Variants in NBPF14 observed in about 807,000 individuals in gnomAD.
NBPF14 encodes the protein NBPF member 14, also known as NBPF family member NBPF14.
NBPF14 carries 104 observed loss-of-function variants against 91.2 expected under a neutral mutation model. That is an observed-to-expected ratio of 1.14 (90% CI 0.97 to 1.34). NBPF14 has a LOEUF of 1.34. NBPF14 is among the 40% of genes most tolerant of loss of function. The pLI is 0.00. For synonymous variants in NBPF14, 294 were observed against 303.8 expected, an observed-to-expected ratio of 0.97 and a Z score of 0.34; for missense variants, 908 against 783.0, an observed-to-expected ratio of 1.16 and a Z score of -1.91.
exon 71 of NBPF14, chr1:148,532,938 T>A (rs1261478354): frequency 1.7e-6 from 1 of 580,370 alleles, no homozygotes; most frequent in East Asian, 2.8e-5. Context: ...TGTACTTTCA[T>A]TCAAATCTTC....
rs1312191015 is a variant in NBPF14 at position 148,559,710 on chromosome 1, C to T, written c.4729+83G>A. The T allele has an allele frequency of 6.0e-5, 45 of 750,256 alleles. 2 individuals carry two copies. The African/African-American group carries it at 6.1e-4, about 10-fold the overall frequency. 46.5% of individuals were successfully genotyped at this position (750,256 alleles called of 1,614,324 possible). On this transcript the variant is annotated intron_variant, in intron 37 of 70. Transcript: ENST00000619423. ...CCTGTGGCAATGACATCTCTCAGCT[C>T]AGTAAGGGCCACTTGCAGTAGGAAT...
At chr1:148,561,825 A>G (rs1657835427) in intron 34 of NBPF14, among the ~76,000 whole-genome samples, 1 of 137,358 alleles carries the variant, frequency 7.3e-6, no homozygotes, top group Non-Finnish European at 1.5e-5. Context: ...ACACAGAGAG[A>G]GAGAGAGAGA....
rs1308198067 is a variant in NBPF14 at position 148,539,328 on chromosome 1, G to T, written c.7882+82C>A. On this transcript the variant is annotated intron_variant, in intron 63 of 70. Transcript: ENST00000619423. ...TGCGGCAATGACGTCTCTCGGGTCA[G>T]TAAGGGGCACTTGGAACAGGAATAT... 8 of 578,114 alleles carry T rather than the reference G, an allele frequency of 1.4e-5. 1 individual carries two copies. In the Admixed American group the frequency reaches 1.4e-4, roughly 10 times the overall value. The allele number at this position is 578,114 out of a possible 1,614,324, so 35.8% of individuals were successfully genotyped here.
intron 8 of NBPF14, among the ~76,000 whole-genome samples, 169 bp downstream of exon 8, chr1:148,587,132 C>A (rs1293782407): frequency 6.7e-6 from 1 of 148,726 alleles, no homozygotes; most frequent in East Asian, 1.9e-4. Context: ...GCAACCCATA[C>A]ATTTTTACTA....
Position 148,595,447 on chromosome 1 carries a change from G to A in NBPF14, c.175+96C>T, listed in dbSNP as rs1346136086. ...TCTGTTTTCTTAGAAGTACAGGAAG[G>A]ATGAAATTATTTTTGATGGAGAGAG... is the stretch of plus-strand genomic sequence containing the variant. On this transcript the variant is annotated intron_variant, in intron 2 of 70. Transcript: ENST00000619423. 8.3e-6 allele frequency: 11 copies of A among 1,325,310 alleles called. 1 individual carries two copies. The highest frequency in any genetic ancestry group is 1.2e-5 in the South Asian group (1 of 80,332). The allele number at this position is 1,325,310 out of a possible 1,614,324, so 82.1% of individuals were successfully genotyped here. A position where few individuals can be genotyped will look rare whatever the true frequency, so the allele number is the denominator to read the frequency against.
chr1:148,577,972 C>G lies in NBPF14; in HGVS notation c.1853+11G>C. The G allele has an allele frequency of 1.2e-5, 7 of 604,282 alleles. No individual in the cohort carries two copies. In the South Asian group the frequency reaches 1.2e-4, roughly 10 times the overall value. 37.4% of individuals were successfully genotyped at this position (604,282 alleles called of 1,614,324 possible). On this transcript the variant is annotated intron_variant, in intron 14 of 70. Coordinates refer to ENST00000619423, the Ensembl canonical transcript of NBPF14. ...ACATCAAATTAACTGTCCACAATTT[C>G]TCAGACTCACCTGGGACCTGTTGCC... is the stretch of plus-strand genomic sequence containing the variant.
rs1451336609 is a variant in NBPF14 at position 148,559,690 on chromosome 1, G to A, written c.4729+103C>T. The A allele has an allele frequency of 5.8e-6, 4 of 686,460 alleles. No individual in the cohort carries two copies. In the East Asian group the frequency reaches 1.2e-4, roughly 20 times the overall value. 42.5% of individuals were successfully genotyped at this position (686,460 alleles called of 1,614,324 possible). On this transcript the variant is annotated intron_variant, in intron 37 of 70. Coordinates refer to ENST00000619423, the Ensembl canonical transcript of NBPF14. ...ACATGTGCCTATAGGTCCTCCCTGTGGCAATGACATCTCTCAGCTCAGTAA... is the reference window on the plus strand; with the variant it reads ...ACATGTGCCTATAGGTCCTCCCTGTAGCAATGACATCTCTCAGCTCAGTAA...
intron 2 of NBPF14, 82 bp from the exon 3 acceptor site, chr1:148,593,782 C>A: frequency 9.3e-7 from 1 of 1,070,770 alleles, no homozygotes; most frequent in Non-Finnish European, 1.4e-6. Flanking sequence ...GGAGCCAGGT[C>A]CATCCCAAGG....
intron 35 of NBPF14, 34 bp from the exon 36 acceptor site, chr1:148,560,726 A>G (rs201099487): frequency 6.4e-6 from 1 of 155,400 alleles, no homozygotes; most frequent in South Asian, 3.6e-5. Context: ...AGACACATTA[A>G]GCTGATTCCC....
intron 39 of NBPF14, 98 bp downstream of exon 39, chr1:148,558,154 G>C: frequency 8.5e-6 from 2 of 234,566 alleles, no homozygotes; most frequent in East Asian, 1.2e-4. Context: ...CTGCGGCAAT[G>C]ACGTCTCTCG....
intron 67 of NBPF14, among the ~76,000 whole-genome samples, chr1:148,535,931 G>C (rs1400327124): frequency 2.0e-5 from 3 of 150,474 alleles, no homozygotes; most frequent in African/African-American, 7.3e-5. Flanking sequence ...CTACAAAATT[G>C]AGACAAAATC....
At position 148,593,357 on chromosome 1, in the gene NBPF14, G is replaced by A. The variant is rs1336521917; in HGVS notation, c.278+241C>T. On this transcript the variant is annotated intron_variant, in intron 3 of 70. Transcript: ENST00000619423. ...ACTCCTTTGGTGAATTTTGTGTTATGTAAATTTCACCTCAACAATTACTTG... is the reference window on the plus strand; with the variant it reads ...ACTCCTTTGGTGAATTTTGTGTTATATAAATTTCACCTCAACAATTACTTG... Among the ~76,000 whole-genome samples the A allele has an allele frequency of 1.4e-3, 204 of 148,716 alleles. 3 individuals carry two copies. The highest frequency in any genetic ancestry group is 4.9e-3 in the African/African-American group (202 of 40,948).
At chr1:148,535,352 C>T (rs1234198297) in intron 68 of NBPF14, 101 bp downstream of exon 68, 10 of 576,908 alleles carry the variant, frequency 1.7e-5, no homozygotes, top group South Asian at 7.9e-5. Context: ...GTAATTCAAC[C>T]TTCGCTGAAA....
In NBPF14 at chr1:148,572,722, A is replaced by T. The variant is rs1365504214; in HGVS notation, c.2586-107T>A. 7.6e-5 allele frequency: 48 copies of T among 629,880 alleles called. 10 individuals are homozygous for T. The highest frequency in any genetic ancestry group is 4.0e-4 in the Middle Eastern group (1 of 2,494). The allele number at this position is 629,880 out of a possible 1,614,324, so 39.0% of individuals were successfully genotyped here. A position where few individuals can be genotyped will look rare whatever the true frequency, so the allele number is the denominator to read the frequency against. On this transcript the variant is annotated intron_variant, in intron 20 of 70. Transcript: ENST00000619423. ...AAGGAAGAGTTTGAAAAGAAAAAGGACAGATCCATTAATGAGGTAACAAAT... is the reference window on the plus strand; with the variant it reads ...AAGGAAGAGTTTGAAAAGAAAAAGGTCAGATCCATTAATGAGGTAACAAAT...
chr1:148,577,493 C>T, intron 14 of NBPF14, 138 bp from the exon 15 acceptor site: 2 of 698,870 alleles, frequency 2.9e-6, no homozygotes, highest in South Asian at 1.5e-5. Context: ...CAAATTATTG[C>T]CTTTATGTTG....
chr1:148,575,971 G>T (rs1431444190), intron 16 of NBPF14, among the ~76,000 whole-genome samples, 160 bp from the exon 17 acceptor site: 23 of 138,334 alleles, frequency 1.7e-4, no homozygotes, highest in Middle Eastern at 7.0e-3. Context: ...GATAGACCAG[G>T]GCCAGGTAGA....
chr1:148,586,811 C>A (rs1274536049), intron 8 of NBPF14, among the ~76,000 whole-genome samples: 1 of 139,002 alleles, frequency 7.2e-6, no homozygotes, highest in African/African-American at 2.6e-5. Flanking sequence ...CATAGTGCAT[C>A]TTGCGGCCAC....
intron 39 of NBPF14, 127 bp from the exon 40 acceptor site, chr1:148,557,669 A>G: frequency 3.3e-6 from 2 of 613,506 alleles, no homozygotes; most frequent in Non-Finnish European, 5.7e-6. Context: ...TGTGAGAGAT[A>G]TACTTCAGGA....
chr1:148,566,483 T>G (rs1437886964), intron 28 of NBPF14, among the ~76,000 whole-genome samples, 168 bp from the exon 29 acceptor site: 3 of 134,728 alleles, frequency 2.2e-5, no homozygotes, highest in Admixed American at 2.2e-4. Flanking sequence ...CAGGGCCAAA[T>G]GGAAAAGAAT....
Sources: allele counts gnomAD v4.1 joint callset (sites outside exome capture counted in the v4.1 genomes callset), GRCh38; gene constraint gnomAD v4.1.1; transcripts MANE v1.5; gene names NCBI Gene and HGNC (gene_info 2026-07-23, HGNC 2026-07-21).